The following NAF1 variants were observed in gnomAD, a reference collection of about 807,000 sequenced individuals.
NAF1 encodes H/ACA ribonucleoprotein complex non-core subunit NAF1.
In NAF1, 11 loss-of-function variants were observed where a neutral mutation model predicts 40.6. The observed-to-expected ratio is 0.27, with a 90% CI of 0.17 to 0.45. The LOEUF (loss-of-function observed/expected upper bound fraction) is 0.45. NAF1 is among the 20% of genes least tolerant of loss of function. NAF1 has a pLI of 1.00. For missense variants in NAF1, 607 were observed against 611.1 expected, an observed-to-expected ratio of 0.99 and a Z score of 0.07; for synonymous variants, 260 against 228.5, an observed-to-expected ratio of 1.14 and a Z score of -1.24.
In NAF1 at chr4:163,136,312, C is replaced by A. The variant is rs114739299; in HGVS notation, c.930+887G>T. ...GACCAGCCTGGGCAACACACTGAGA[C>A]CCCCATGTCTATATTTGTTAAAAAA... On this transcript the variant is annotated intron_variant, in intron 6 of 7. Coordinates refer to ENST00000274054, the MANE Select transcript of NAF1 (RefSeq NM_138386.3). 184 of 148,106 alleles carry A rather than the reference C, an allele frequency of 1.2e-3. 1 individual carries two copies. The highest frequency in any genetic ancestry group is 4.2e-3 in the African/African-American group (170 of 40,104). 9.2% of individuals were successfully genotyped at this position (148,106 alleles called of 1,614,324 possible). A position where few individuals can be genotyped will look rare whatever the true frequency, so the allele number is the denominator to read the frequency against.
intron 5 of NAF1, among the ~76,000 whole-genome samples, chr4:163,137,872 A>C (rs896144536): frequency 6.6e-6 from 1 of 152,184 alleles, no homozygotes; most frequent in Non-Finnish European, 1.5e-5. Flanking sequence ...AATGACTGGC[A>C]TGTGTGAAAT....
rs575660846 is a variant in NAF1 at position 163,160,796 on chromosome 4, A to G, written c.540+3421T>C. 1.5e-4 allele frequency among the ~76,000 whole-genome samples: 23 copies of G among 152,320 alleles called. No homozygotes were observed. In the East Asian group the frequency reaches 3.3e-3, roughly 22 times the overall value. On this transcript the variant is annotated intron_variant, in intron 2 of 7. Transcript: ENST00000274054. ...CTGTTTGGCACACTTTAATTTGTGT[A>G]TATCTTTTGGCAGAAAAGTTCATTA...
chr4:163,116,790 T>C (rs1376149214), intron 2 of NAF1, among the ~76,000 whole-genome samples: 1 of 152,206 alleles, frequency 6.6e-6, no homozygotes, highest in Non-Finnish European at 1.5e-5. Flanking sequence ...TGTAAACACA[T>C]AAAAGATGCA....
At chr4:163,159,799 A>G (rs1732145427) in intron 2 of NAF1, among the ~76,000 whole-genome samples, 1 of 152,184 alleles carries the variant, frequency 6.6e-6, no homozygotes, top group African/African-American at 2.4e-5. Context: ...GTCATGCTAC[A>G]TTATATGCCT....
chr4:163,127,761 G>C (rs1170950250), downstream of NAF1, among the ~76,000 whole-genome samples: 1 of 152,220 alleles, frequency 6.6e-6, no homozygotes, highest in African/African-American at 2.4e-5. Flanking sequence ...GGGAAGAAAA[G>C]TGGGGCCTTA....
chr4:163,162,226 A>T (rs933585246), intron 2 of NAF1, among the ~76,000 whole-genome samples: 26 of 152,234 alleles, frequency 1.7e-4, no homozygotes, highest in Non-Finnish European at 2.1e-4. Flanking sequence ...ACATACCTGT[A>T]ACTATACACT....
At chr4:163,114,532 G>T (rs936486267) in intron 2 of NAF1, among the ~76,000 whole-genome samples, 2 of 152,196 alleles carry the variant, frequency 1.3e-5, no homozygotes, top group Non-Finnish European at 2.9e-5. Flanking sequence ...AATAATGATG[G>T]ATAATCACGT....
At chr4:163,155,249 T>C (rs1427888472) in intron 2 of NAF1, among the ~76,000 whole-genome samples, 1 of 152,244 alleles carries the variant, frequency 6.6e-6, no homozygotes, top group Non-Finnish European at 1.5e-5. Context: ...TTTCTGTATT[T>C]ACTTAATGTC....
downstream of NAF1, chr4:163,126,814 A>G: frequency 2.1e-6 from 2 of 936,502 alleles, no homozygotes; most frequent in Admixed American, 3.4e-5. Flanking sequence ...TGCCACTTTT[A>G]GCAACAACTA....
Position 163,129,048 on chromosome 4 carries a change from G to A in NAF1, c.1334C>T (p.Pro445Leu). ...TGTAGCCCAACCCATGTTTACAGGTGGGGGTGGTGGTGGGGGTGGAGGGCG... is the reference window on the plus strand; with the variant it reads ...TGTAGCCCAACCCATGTTTACAGGTAGGGGTGGTGGTGGGGGTGGAGGGCG... ...PLRPPPPPPP[P>L]PVNMGWATPN... The change falls in exon 8 of 8, where the codon CCA (proline) becomes CTA (leucine). Residue 445 changes from proline (P) to leucine (L), a missense_variant. By Grantham distance (98) the Pro-to-Leu change is moderately conservative (BLOSUM62 -3). Around this residue, in one of 3 missense-constraint regions of NAF1, gnomAD observed 189 missense variants for 216.6 expected, o/e 0.87. Transcript: ENST00000274054. 2 of 1,538,794 alleles carry A rather than the reference G, an allele frequency of 1.3e-6. No individual in the cohort carries two copies. Among genetic ancestry groups the A allele is most frequent in the Non-Finnish European group, 1.8e-6 (2 of 1,138,590 alleles).
intron 1 of NAF1, among the ~76,000 whole-genome samples, chr4:163,165,482 G>T (rs910146822): frequency 4.6e-5 from 7 of 152,138 alleles, no homozygotes; most frequent in Admixed American, 3.9e-4. Context: ...TGCAATCTTA[G>T]TACTGCCAAG....
intron 2 of NAF1, among the ~76,000 whole-genome samples, chr4:163,117,661 T>G (rs947244185): frequency 1.8e-5 from 2 of 108,752 alleles, no homozygotes; most frequent in South Asian, 6.1e-4. Flanking sequence ...CTTATTATTT[T>G]TAAACTCCCT....
At chr4:163,126,396 G>T (rs146326648), downstream of NAF1, among the ~76,000 whole-genome samples, 1 of 152,226 alleles carries the variant, frequency 6.6e-6, no homozygotes, top group African/African-American at 2.4e-5. Context: ...TAATTTTGAG[G>T]TGTTTAAGAC....
At chr4:163,114,133 T>G (rs1170705001) in intron 2 of NAF1, among the ~76,000 whole-genome samples, 4 of 152,140 alleles carry the variant, frequency 2.6e-5, no homozygotes, top group African/African-American at 9.7e-5. Context: ...ATGACAGTTG[T>G]GGGTATGTAG....
intron 2 of NAF1, among the ~76,000 whole-genome samples, chr4:163,114,312 CTG>C: frequency 6.6e-6 from 1 of 152,202 alleles, no homozygotes; most frequent in East Asian, 1.9e-4. Context: ...CTAGAGCTAC[CTG>C]TGTCTGTCAC....
At chr4:163,162,990 G>A (rs1266901466) in intron 2 of NAF1, among the ~76,000 whole-genome samples, 3 of 152,130 alleles carry the variant, frequency 2.0e-5, no homozygotes, top group African/African-American at 7.2e-5. Flanking sequence ...AATTCCCAAG[G>A]TAAGAATTGC....
At chr4:163,115,555 A>G (rs1560776149) in intron 2 of NAF1, among the ~76,000 whole-genome samples, 1 of 151,708 alleles carries the variant, frequency 6.6e-6, no homozygotes, top group Non-Finnish European at 1.5e-5. Flanking sequence ...GTTTCTATTT[A>G]TTTTTTGCCA....
chr4:163,166,467 A>C lies in NAF1; in HGVS notation c.261T>G (p.Ala87=). 2.5e-6 allele frequency: 4 copies of C among 1,604,104 alleles called. 1 individual carries two copies. The South Asian group carries it at 4.4e-5, about 18-fold the overall frequency. The change falls in exon 1 of 8, where the codon GCT becomes GCG. Residue 87 remains alanine (A), a synonymous_variant. Coordinates refer to ENST00000274054, the MANE Select transcript of NAF1 (RefSeq NM_138386.3). ...GTPAPQPQPP[A]ESPACGDCVT... ...CGCAGTCTCCGCAGGCCGGCGATTC[A>C]GCCGGTGGCTGTGGCTGCGGCGCCG...
downstream of NAF1, among the ~76,000 whole-genome samples, chr4:163,125,227 G>A (rs116732581): frequency 8.1e-3 from 1,233 of 152,306 alleles, 18 homozygotes; most frequent in African/African-American, 0.027. Context: ...CAAGTGAAAG[G>A]AAGAGTTGTA....
Sources: allele counts gnomAD v4.1 joint callset (sites outside exome capture counted in the v4.1 genomes callset), GRCh38; gene constraint gnomAD v4.1.1; regional missense constraint gnomAD v4.1.1; transcripts MANE v1.5; gene names NCBI Gene and HGNC (gene_info 2026-07-23, HGNC 2026-07-21).